CCDC17: variants seen among roughly 807,000 people sequenced by gnomAD.
CCDC17 encodes coiled-coil domain containing 17.
Under a neutral mutation model 68.0 loss-of-function variants are expected in CCDC17, and 79 were observed. The observed-to-expected ratio is 1.16, with a 90% CI of 0.97 to 1.40. CCDC17 has a LOEUF of 1.40. Ranked by LOEUF, CCDC17 falls within the 40% of genes most tolerant of loss-of-function variation. The pLI is 0.00. For synonymous variants in CCDC17, 376 were observed against 337.5 expected (o/e 1.11, Z -1.25); for missense variants, 846 against 811.5 (o/e 1.04, Z -0.52).
intron 9 of CCDC17, 28 bp downstream of exon 9, chr1:45,621,610 A>G (rs773925529): frequency 2.5e-6 from 4 of 1,609,522 alleles, no homozygotes; most frequent in Non-Finnish European, 3.4e-6. Flanking sequence ...CAAGTCACAG[A>G]GGCTGTCGAA....
chr1:45,621,786 TCCC>T (rs1193657765), intron 8 of CCDC17, 51 bp from the exon 9 acceptor site: 12 of 1,606,202 alleles, frequency 7.5e-6, no homozygotes, highest in Non-Finnish European at 9.4e-6. Context: ...CTGCTCATGT[TCCC>T]CCAACTGCTC....
At position 45,622,246 on chromosome 1, in the gene CCDC17, G is replaced by A; in HGVS notation, c.962C>T (p.Pro321Leu). 6.2e-7 allele frequency: 1 copy of A among 1,612,482 alleles called. No homozygotes were observed. Among genetic ancestry groups the A allele is most frequent in the East Asian group, 2.2e-5 (1 of 44,820 alleles). ...GGGTTGGGGTGCTCACTGACCCAAG[G>A]GTGCCCGACCCCTCTGCATTTGCAA... ...LALQMQRGRA[P>L]LGPQDLRLLG... Residue 321 changes from proline (P) to leucine (L), a missense_variant, in exon 7 of 13, where the codon CCC becomes CTC. By Grantham distance (98) the Pro-to-Leu change is moderately conservative. Coordinates refer to ENST00000528266, the MANE Select transcript of CCDC17 (RefSeq NM_001114938.3).
rs1644298919 is a variant in CCDC17 at position 45,622,406 on chromosome 1, C to CT, written c.860-59dup. 31 of 1,523,044 alleles carry CT rather than the reference C, an allele frequency of 2.0e-5. No homozygotes were observed. The East Asian group carries it at 7.1e-4, about 35-fold the overall frequency. The allele number at this position is 1,523,044 out of a possible 1,614,324, so 94.3% of individuals were successfully genotyped here. On this transcript the variant is annotated intron_variant, in intron 6 of 12. Coordinates refer to ENST00000528266, the MANE Select transcript of CCDC17 (RefSeq NM_001114938.3). ...ACCTCTGGTGACTGGCCGCGTCCGG[C>CT]TGTGAGCAGCTCTCCAGCGCTAAGG...
chr1:45,621,299 C>A lies in CCDC17; in HGVS notation c.1370G>T (p.Ser457Ile). The A allele has an allele frequency of 1.3e-6, 2 of 1,580,922 alleles. No individual in the cohort carries two copies. The highest frequency in any genetic ancestry group is 8.6e-7 in the Non-Finnish European group (1 of 1,162,928). The stretch of plus-strand genomic sequence containing the variant: ...TACTGACCTGGGCACAGGCTGCCTG[C>A]TGGCAAGGATGGCACAGTTGCCCAT... The part of the protein sequence containing the change: ...GPMGNCAILA[S>I]RQPVPRLPPS... Residue 457 changes from serine to isoleucine, a missense_variant, in exon 10 of 13, where the codon AGC becomes ATC. Physicochemically the swap from Ser to Ile is moderately radical, Grantham distance 142 (BLOSUM62 -2). Transcript: ENST00000528266.
Position 45,621,440 on chromosome 1 carries a change from G to T in CCDC17, c.1229C>A (p.Ala410Asp). 1.3e-6 allele frequency: 2 copies of T among 1,597,392 alleles called. No individual in the cohort carries two copies. Among genetic ancestry groups the T allele is most frequent in the Non-Finnish European group, 1.7e-6 (2 of 1,172,410 alleles). ...IFYDFLRGLE[A>D]SWIWVQLRTG... Reference sequence around the variant, plus strand: ...CCTTAGTTGCACCCAAATCCAGGAAGCCTCAAGGCCCCGCAGGAAATCATA... The same window carrying T: ...CCTTAGTTGCACCCAAATCCAGGAATCCTCAAGGCCCCGCAGGAAATCATA... Residue 410 changes from alanine (A) to aspartate (D), a missense_variant, in exon 10 of 13, where the codon GCT becomes GAT. By Grantham distance (126) the Ala-to-Asp change is moderately radical (BLOSUM62 -2). Transcript: ENST00000528266.
Position 45,623,202 on chromosome 1 carries a change from C to T in CCDC17, c.493+15G>A, listed in dbSNP as rs1213868015. ...GCAGAGGAGGTCCTTGGTCCCCGTC[C>T]CCCATCTCCTTCACCCTCGCCGCGT... On this transcript the variant is annotated intron_variant, in intron 3 of 12. Coordinates refer to ENST00000528266, the MANE Select transcript of CCDC17 (RefSeq NM_001114938.3). 2 of 1,541,942 alleles carry T rather than the reference C, an allele frequency of 1.3e-6. No individual in the cohort carries two copies. The highest frequency in any genetic ancestry group is 1.7e-6 in the Non-Finnish European group (2 of 1,143,094).
At position 45,623,446 on chromosome 1, in the gene CCDC17, G is replaced by T. The variant is rs533459088; in HGVS notation, c.271-7C>A. ...ATAGCCGCAGCCACTGCACCTGGAGGTAACAGCGATCCGCGATCTCTGCGT... is the reference window on the plus strand; with the variant it reads ...ATAGCCGCAGCCACTGCACCTGGAGTTAACAGCGATCCGCGATCTCTGCGT... On this transcript the variant is annotated splice_region_variant and splice_polypyrimidine_tract_variant and intron_variant, in intron 2 of 12. Transcript: ENST00000528266. The T allele has an allele frequency of 4.5e-6, 7 of 1,550,134 alleles. No individual in the cohort carries two copies. Among genetic ancestry groups the T allele is most frequent in the East Asian group, 4.9e-5 (2 of 40,922 alleles).
rs763653531 is a variant in CCDC17 at position 45,620,228 on chromosome 1, CCCA to C, written c.*44_*46del. The C allele has an allele frequency of 1.2e-5, 19 of 1,571,454 alleles. No individual in the cohort carries two copies. The East Asian group carries it at 3.2e-4, about 26-fold the overall frequency. On this transcript the variant is annotated 3_prime_UTR_variant, in exon 13 of 13. Transcript: ENST00000528266. ...TAAACCTGTAGGTCTGGAAATAGGC[CCCA>C]GTCCTGTGCATGTTCAGATGCTCAT...
rs1272530909 is a variant in CCDC17, at chr1:45,620,827, G to C, written c.1606C>G (p.Gln536Glu). 6.2e-7 allele frequency: 1 copy of C among 1,611,006 alleles called. No individual in the cohort carries two copies. The highest frequency in any genetic ancestry group is 8.5e-7 in the Non-Finnish European group (1 of 1,178,568). The change falls in exon 12 of 13, where the codon CAG becomes GAG. Residue 536 changes from glutamine (Q) to glutamate (E), a missense_variant. Physicochemically the swap from Gln to Glu is conservative, Grantham distance 29 (BLOSUM62 2). Coordinates refer to ENST00000528266, the MANE Select transcript of CCDC17 (RefSeq NM_001114938.3). ...GQLNGIPQAGQAELFLRLVNA... is the reference protein window; with the variant it reads ...GQLNGIPQAGEAELFLRLVNA... Reference sequence around the variant, plus strand: ...ACCAGCCGCAGAAAGAGCTCAGCCTGACCTGCCTGGGGAGAGATGAAATGG... The same window carrying C: ...ACCAGCCGCAGAAAGAGCTCAGCCTCACCTGCCTGGGGAGAGATGAAATGG...
At chr1:45,623,494 G>T (rs373392901) in intron 2 of CCDC17, 55 bp from the exon 3 acceptor site, 9 of 1,549,090 alleles carry the variant, frequency 5.8e-6, no homozygotes, top group African/African-American at 4.1e-5. Flanking sequence ...TCCCAAGTAT[G>T]ATCTACAGGT....
rs1644361488 is a variant in CCDC17, at chr1:45,623,660, T to C, written c.175-8A>G. The C allele has an allele frequency of 6.4e-7, 1 of 1,551,590 alleles. No individual in the cohort carries two copies. Among genetic ancestry groups the C allele is most frequent in the East Asian group, 2.4e-5 (1 of 40,924 alleles). On this transcript the variant is annotated splice_region_variant and splice_polypyrimidine_tract_variant and intron_variant, in intron 1 of 12. Coordinates refer to ENST00000528266, the MANE Select transcript of CCDC17 (RefSeq NM_001114938.3). ...GTGTTCTTGTGGCACAACCTGGGGA[T>C]AGGGTGTAGTAGGATGAGGAATCAT...
At position 45,623,739 on chromosome 1, in the gene CCDC17, G is replaced by C; in HGVS notation, c.171C>G (p.Ala57=). The C allele has an allele frequency of 6.4e-7, 1 of 1,550,872 alleles. No homozygotes were observed. The highest frequency in any genetic ancestry group is 8.7e-7 in the Non-Finnish European group (1 of 1,146,520). Residue 57 remains alanine (A), a synonymous_variant, in exon 1 of 13, where the codon GCC becomes GCG. Transcript: ENST00000528266. ...CCATGGCCATGGAGGCCCTTACCGC[G>C]GCCCGCTGGGGTTCAGTGGCAACTG... ...QASVATEPQR[A]AVVPQEHQGV...
chr1:45,620,445 G>T lies in CCDC17; in HGVS notation c.1711-12C>A. On this transcript the variant is annotated splice_polypyrimidine_tract_variant and intron_variant, in intron 12 of 12. Coordinates refer to ENST00000528266, the MANE Select transcript of CCDC17 (RefSeq NM_001114938.3). The stretch of plus-strand genomic sequence containing the variant: ...GATGTGCTGGACACCTGTGGAACAG[G>T]AGAAGGCAGGTTTTGAGCAAAAATG... 6.5e-7 allele frequency: 1 copy of T among 1,547,096 alleles called. No homozygotes were observed. The highest frequency in any genetic ancestry group is 8.7e-7 in the Non-Finnish European group (1 of 1,149,532).
chr1:45,623,744 G>A lies in CCDC17; in HGVS notation c.166C>T (p.Arg56Trp), dbSNP rs1013491153. The part of the protein sequence containing the change: ...AQASVATEPQ[R>W]AAVVPQEHQG... Reference sequence around the variant, plus strand: ...GCCATGGAGGCCCTTACCGCGGCCCGCTGGGGTTCAGTGGCAACTGATGCC... The same window carrying A: ...GCCATGGAGGCCCTTACCGCGGCCCACTGGGGTTCAGTGGCAACTGATGCC... Residue 56 changes from arginine (R) to tryptophan (W), a missense_variant, in exon 1 of 13, where the codon CGG becomes TGG. Coordinates refer to ENST00000528266, the MANE Select transcript of CCDC17 (RefSeq NM_001114938.3). 2.6e-6 allele frequency: 4 copies of A among 1,550,716 alleles called. No individual in the cohort carries two copies. In the African/African-American group the frequency reaches 5.5e-5, roughly 21 times the overall value.
At chr1:45,622,706 T>C in intron 5 of CCDC17, 39 bp from the exon 6 acceptor site, 1 of 1,558,000 alleles carries the variant, frequency 6.4e-7, no homozygotes, top group Non-Finnish European at 8.7e-7. Context: ...TTTCCAGAAC[T>C]GCTCAGCGCT....
In CCDC17 at chr1:45,624,041, G is replaced by A; in HGVS notation, c.-132C>T. 4.5e-6 allele frequency: 3 copies of A among 661,644 alleles called. No homozygotes were observed. Among genetic ancestry groups the A allele is most frequent in the Non-Finnish European group, 5.0e-6 (2 of 396,166 alleles). 41.0% of individuals were successfully genotyped at this position (661,644 alleles called of 1,614,324 possible). On this transcript the variant is annotated 5_prime_UTR_variant, in exon 1 of 13. Coordinates refer to ENST00000528266, the MANE Select transcript of CCDC17 (RefSeq NM_001114938.3). ...AAGGCCGTGTCTATTAGGTCTGTGA[G>A]ATCTTCAAGTTTGTTTGGGGAGAGC...
In CCDC17 at chr1:45,621,751, C is replaced by A. The variant is rs747703395; in HGVS notation, c.1087-16G>T. ...GAAGCTGTGGCTGTGGGGAAGAGAG[C>A]TGACTCCTCCAGAAAGCCTTGTAGC... is the stretch of plus-strand genomic sequence containing the variant. On this transcript the variant is annotated splice_polypyrimidine_tract_variant and intron_variant, in intron 8 of 12. Transcript: ENST00000528266. 6.2e-7 allele frequency: 1 copy of A among 1,612,688 alleles called. No homozygotes were observed.
At position 45,623,225 on chromosome 1, in the gene CCDC17, C is replaced by T. The variant is rs571710456; in HGVS notation, c.485G>A (p.Arg162His). The T allele has an allele frequency of 6.5e-7, 1 of 1,544,112 alleles. No individual in the cohort carries two copies. Among genetic ancestry groups the T allele is most frequent in the Middle Eastern group, 1.7e-4 (1 of 5,986 alleles). The change falls in exon 3 of 13, where the codon CGC (arginine) becomes CAC (histidine). Residue 162 changes from arginine to histidine, a missense_variant. Physicochemically the swap from Arg to His is conservative, Grantham distance 29 (BLOSUM62 0). Transcript: ENST00000528266. ...MEAQSRALQL[R>H]GEELSRRLQV... ...TCCCCCATCTCCTTCACCCTCGCCG[C>T]GTAGCTGCAGGGCCCGGCTCTGCGC...
In CCDC17 at chr1:45,623,592, C is replaced by T. The variant is rs748860311; in HGVS notation, c.235G>A (p.Ala79Thr). ...QEPQGLPDQQ[A>T]SRSALKRLTE... is the part of the protein sequence containing the mutation. Reference sequence around the variant, plus strand: ...AACCTCTTTAGAGCAGATCTACTGGCCTGCTGGTCTGGGAGGCCCTGGGGT... The same window carrying T: ...AACCTCTTTAGAGCAGATCTACTGGTCTGCTGGTCTGGGAGGCCCTGGGGT... The change falls in exon 2 of 13, where the codon GCC becomes ACC. Residue 79 changes from alanine to threonine, a missense_variant. By Grantham distance (58) the Ala-to-Thr change is moderately conservative (BLOSUM62 0). Transcript: ENST00000528266. 11 of 1,550,794 alleles carry T rather than the reference C, an allele frequency of 7.1e-6. No individual in the cohort carries two copies. Among genetic ancestry groups the T allele is most frequent in the Non-Finnish European group, 8.7e-6 (10 of 1,146,998 alleles).
Sources: gnomAD v4.1 joint callset for allele counts on GRCh38, gnomAD v4.1.1 for gene constraint, MANE v1.5 for transcripts, NCBI Gene and HGNC (gene_info 2026-07-23, HGNC 2026-07-21) for gene names.